CCDC85C: variants seen among roughly 807,000 people sequenced by gnomAD.
CCDC85C encodes coiled-coil domain-containing protein 85C.
In CCDC85C, 18 loss-of-function variants were observed where a neutral mutation model predicts 38.3. The observed-to-expected ratio is 0.47, with a 90% CI of 0.33 to 0.70. The LOEUF is 0.70. CCDC85C is among the 30% of genes least tolerant of loss of function. CCDC85C has a pLI of 0.03. For synonymous variants in CCDC85C, 264 were observed against 293.8 expected (o/e 0.90, Z 1.04); for missense variants, 566 against 621.2 (o/e 0.91, Z 0.94).
chr14:99,579,074 C>G (rs2054936542), intron 1 of CCDC85C, among the ~76,000 whole-genome samples: 1 of 152,204 alleles, frequency 6.6e-6, no homozygotes, highest in South Asian at 2.1e-4. Flanking sequence ...GCACAGAGCC[C>G]AAGAGAGGTG....
rs1158678064 is a variant in CCDC85C at position 99,569,338 on chromosome 14, G to T, written c.794-33250C>A. Among the ~76,000 whole-genome samples the T allele has an allele frequency of 1.3e-5, 2 of 152,154 alleles. No homozygotes were observed. The highest frequency in any genetic ancestry group is 4.8e-5 in the African/African-American group (2 of 41,440). On this transcript the variant is annotated intron_variant, in intron 1 of 5. Coordinates refer to ENST00000380243, the MANE Select transcript of CCDC85C (RefSeq NM_001144995.2). This position sits in a 1 kb window ranked among gnomAD's most constrained non-coding sequence, Gnocchi z 4.3. ...GCACTGATGTCCCCAAAACAAACAG[G>T]CTGCTGGGCCAGTGGGGTGTGTGCT...
intron 1 of CCDC85C, among the ~76,000 whole-genome samples, chr14:99,563,498 G>A (rs1469456858): frequency 1.3e-5 from 2 of 152,394 alleles, no homozygotes; most frequent in East Asian, 3.9e-4. Flanking sequence ...AGCACAACTG[G>A]GCCATCTGGG....
In CCDC85C at chr14:99,501,010, A is replaced by G; in HGVS notation, c.*14236T>C. The G allele has an allele frequency of 1.5e-6, 1 of 646,930 alleles. No homozygotes were observed. The highest frequency in any genetic ancestry group is 1.8e-5 in the South Asian group (1 of 54,162). 40.1% of individuals were successfully genotyped at this position (646,930 alleles called of 1,614,324 possible). On this transcript the variant is annotated 3_prime_UTR_variant, in exon 6 of 6. Coordinates refer to ENST00000380243, the MANE Select transcript of CCDC85C (RefSeq NM_001144995.2). ...ACCAAGGGCATGGCTTGCTCAGTCAATTCAGCATTGCAGCTGCTAATGCTG... is the reference window on the plus strand; with the variant it reads ...ACCAAGGGCATGGCTTGCTCAGTCAGTTCAGCATTGCAGCTGCTAATGCTG...
At position 99,550,604 on chromosome 14, in the gene CCDC85C, C is replaced by T. The variant is rs183595198; in HGVS notation, c.794-14516G>A. On this transcript the variant is annotated intron_variant, in intron 1 of 5. Transcript: ENST00000380243. ...TTGCTTGCTTAGTCACTCTGAGCCT[C>T]GGTTTCACTTAAAAATGAGATAAAA... Among the ~76,000 whole-genome samples the T allele has an allele frequency of 2.0e-5, 3 of 152,316 alleles. No homozygotes were observed. In the East Asian group the frequency reaches 5.8e-4, roughly 29 times the overall value.
intron 1 of CCDC85C, among the ~76,000 whole-genome samples, chr14:99,590,045 A>G (rs947900574): frequency 6.6e-6 from 1 of 152,160 alleles, no homozygotes; most frequent in Non-Finnish European, 1.5e-5. Context: ...TCAGCACCAC[A>G]CACTTCACAG....
chr14:99,517,565 G>A (rs984865807), intron 3 of CCDC85C, among the ~76,000 whole-genome samples: 3 of 152,178 alleles, frequency 2.0e-5, no homozygotes, highest in Non-Finnish European at 4.4e-5. Context: ...AGGAAGGTCT[G>A]GACTTAACCC....
In CCDC85C at chr14:99,522,152, T is replaced by C. The variant is rs1461832931; in HGVS notation, c.956A>G (p.Tyr319Cys). Reference sequence around the variant, plus strand: ...ACTCACGTTCTGCAGGGAGTCCTGGTAGGAGGGCGGCAGGGACGCAAGCTG... The same window carrying C: ...ACTCACGTTCTGCAGGGAGTCCTGGCAGGAGGGCGGCAGGGACGCAAGCTG... Reference protein sequence around the residue: ...ESQLASLPPSYQDSLQNGPAC... With the variant: ...ESQLASLPPSCQDSLQNGPAC... The change falls in exon 3 of 6, where the codon TAC becomes TGC. Residue 319 changes from tyrosine (Y) to cysteine (C), a missense_variant. Coordinates refer to ENST00000380243, the MANE Select transcript of CCDC85C (RefSeq NM_001144995.2). The C allele has an allele frequency of 8.4e-6, 13 of 1,550,760 alleles. No individual in the cohort carries two copies. Among genetic ancestry groups the C allele is most frequent in the African/African-American group, 2.7e-5 (2 of 73,048 alleles).
intron 1 of CCDC85C, among the ~76,000 whole-genome samples, chr14:99,556,222 G>C (rs1898007969): frequency 1.3e-5 from 2 of 152,362 alleles, no homozygotes; most frequent in African/African-American, 4.8e-5. Context: ...TTCAAGACCA[G>C]TCTGGGCAAC....
rs1317501228 is a variant in CCDC85C, at chr14:99,514,357, C to T, written c.*889G>A. ...CAGGGACCCAAGATGCAGCCAGGCC[C>T]TGGGGGAGGTCACAGCCAACCAGAG... On this transcript the variant is annotated 3_prime_UTR_variant, in exon 6 of 6. Coordinates refer to ENST00000380243, the MANE Select transcript of CCDC85C (RefSeq NM_001144995.2). 2.0e-5 allele frequency: 3 copies of T among 152,522 alleles called. No homozygotes were observed. The highest frequency in any genetic ancestry group is 4.8e-5 in the African/African-American group (2 of 41,470). 9.4% of individuals were successfully genotyped at this position (152,522 alleles called of 1,614,324 possible).
intron 1 of CCDC85C, among the ~76,000 whole-genome samples, chr14:99,546,202 G>A (rs1897804693): frequency 6.6e-6 from 1 of 152,096 alleles, no homozygotes; most frequent in South Asian, 2.1e-4. Context: ...AATCTCTATC[G>A]AGTGCCAGGC....
Position 99,517,126 on chromosome 14 carries a change from C to T in CCDC85C, c.1033G>A (p.Ala345Thr), listed in dbSNP as rs1468089051. The change falls in exon 4 of 6, where the codon GCA becomes ACA. Residue 345 changes from alanine to threonine, a missense_variant. Transcript: ENST00000380243. Reference sequence around the variant, plus strand: ...ACGACAGCCTCGGGCTTCTGTCCTGCAGGGCTGTAGCCAGCAGAGGGGGGC... The same window carrying T: ...ACGACAGCCTCGGGCTTCTGTCCTGTAGGGCTGTAGCCAGCAGAGGGGGGC... ...PSPPSAGYSP[A>T]GQKPEAVVHA... 8.4e-6 allele frequency: 13 copies of T among 1,550,288 alleles called. 1 individual carries two copies. The East Asian group carries it at 2.9e-4, about 35-fold the overall frequency.
intron 1 of CCDC85C, among the ~76,000 whole-genome samples, chr14:99,573,728 C>T (rs370176368): frequency 5.9e-5 from 9 of 152,350 alleles, no homozygotes; most frequent in African/African-American, 1.9e-4. Flanking sequence ...CCCTGCAGTC[C>T]CCATGACACA....
rs1233179670 is a variant in CCDC85C at position 99,502,500 on chromosome 14, T to G, written c.*12746A>C. 5 of 1,407,664 alleles carry G rather than the reference T, an allele frequency of 3.6e-6. No homozygotes were observed. Among genetic ancestry groups the G allele is most frequent in the Non-Finnish European group, 4.7e-6 (5 of 1,056,812 alleles). The allele number at this position is 1,407,664 out of a possible 1,614,324, so 87.2% of individuals were successfully genotyped here. ...ATATGTGAGCAATATTTCAGAAGCA[T>G]CATTAATTAAATTATCTAATAGTTT... On this transcript the variant is annotated 3_prime_UTR_variant, in exon 6 of 6. Coordinates refer to ENST00000380243, the MANE Select transcript of CCDC85C (RefSeq NM_001144995.2).
intron 1 of CCDC85C, among the ~76,000 whole-genome samples, chr14:99,560,500 G>A (rs1384959927): frequency 6.6e-6 from 1 of 152,208 alleles, no homozygotes; most frequent in African/African-American, 2.4e-5. Flanking sequence ...GCACCTGTAT[G>A]CCAGGCGCCA....
intron 1 of CCDC85C, among the ~76,000 whole-genome samples, chr14:99,595,747 G>A (rs1283206355): frequency 2.0e-5 from 3 of 152,182 alleles, no homozygotes; most frequent in East Asian, 3.9e-4. Flanking sequence ...TCAACTGGAC[G>A]GGAGTCCCTG....
Position 99,500,488 on chromosome 14 carries a change from CAT to C in CCDC85C, c.*14756_*14757del, listed in dbSNP as rs567012406. 2,366 of 327,540 alleles carry C rather than the reference CAT, an allele frequency of 7.2e-3. 14 individuals are homozygous for C. The highest frequency in any genetic ancestry group is 0.011 in the Non-Finnish European group (1,932 of 179,630). 20.3% of individuals were successfully genotyped at this position (327,540 alleles called of 1,614,324 possible). ...AAGATCTGTTTTGTAAAGGGAGACT[CAT>C]GTATGTATTGAAAATAATAATATTT... On this transcript the variant is annotated 3_prime_UTR_variant, in exon 6 of 6. Transcript: ENST00000380243.
Position 99,512,544 on chromosome 14 carries a change from G to A in CCDC85C, c.*2702C>T, listed in dbSNP as rs181040875. The stretch of plus-strand genomic sequence containing the variant: ...GTGTAGCTAGTAACTTGGATAAAAA[G>A]GTGCCACCCTACAAAATGTGCTCAG... On this transcript the variant is annotated 3_prime_UTR_variant, in exon 6 of 6. Transcript: ENST00000380243. 11 of 152,258 alleles carry A rather than the reference G, an allele frequency of 7.2e-5. No homozygotes were observed. In the East Asian group the frequency reaches 1.9e-3, roughly 27 times the overall value. 9.4% of individuals were successfully genotyped at this position (152,258 alleles called of 1,614,324 possible).
At chr14:99,556,889 T>G (rs1317548368) in intron 1 of CCDC85C, among the ~76,000 whole-genome samples, 1 of 141,990 alleles carries the variant, frequency 7.0e-6, no homozygotes, top group Non-Finnish European at 1.5e-5. Flanking sequence ...GTGTTAACTC[T>G]AACGTCTCTA....
intron 1 of CCDC85C, among the ~76,000 whole-genome samples, chr14:99,543,588 G>A (rs1897753484): frequency 6.6e-6 from 1 of 152,160 alleles, no homozygotes; most frequent in South Asian, 2.1e-4. Context: ...TGAAGAGCAA[G>A]CAGGACTCTG....
Sources: gnomAD v4.1 joint callset for allele counts (sites outside exome capture counted in the v4.1 genomes callset) on GRCh38, gnomAD v4.1.1 for gene constraint, Gnocchi (gnomAD v3.1) non-coding constraint, MANE v1.5 for transcripts, NCBI Gene and HGNC (gene_info 2026-07-23, HGNC 2026-07-21) for gene names.